ZNF766: variants seen among roughly 807,000 people sequenced by gnomAD.
The protein encoded by ZNF766 is zinc finger protein 766.
ZNF766 carries 13 observed loss-of-function variants against 13.2 expected under a neutral mutation model. The observed-to-expected ratio is 0.98, with a 90% confidence interval of 0.64 to 1.56. The LOEUF (loss-of-function observed/expected upper bound fraction) is 1.56. Ranked by LOEUF, ZNF766 falls within the 40% of genes most tolerant of loss-of-function variation. ZNF766 has a pLI of 0.00. For missense variants in ZNF766, 521 were observed against 552.2 expected, an observed-to-expected ratio of 0.94 and a Z score of 0.57; for synonymous variants, 178 against 187.6, an observed-to-expected ratio of 0.95 and a Z score of 0.42.
rs892308097 is a variant in ZNF766 at position 52,269,772 on chromosome 19, G to C, written c.18+141G>C. ...GAGTAAATTCATGCGTCCCGTCAGAGTGTTAAAATCGCCCTAGGGCTGGTT... is the reference window on the plus strand; with the variant it reads ...GAGTAAATTCATGCGTCCCGTCAGACTGTTAAAATCGCCCTAGGGCTGGTT... On this transcript the variant is annotated intron_variant, in intron 1 of 3. Transcript: ENST00000439461. The C allele has an allele frequency of 3.4e-6, 4 of 1,179,772 alleles. No homozygotes were observed. In the Admixed American group the frequency reaches 7.4e-5, roughly 22 times the overall value. The allele number at this position is 1,179,772 out of a possible 1,614,324, so 73.1% of individuals were successfully genotyped here.
intron 3 of ZNF766, among the ~76,000 whole-genome samples, chr19:52,287,003 CTT>C (rs910753113): frequency 6.6e-6 from 1 of 151,452 alleles, no homozygotes; most frequent in Non-Finnish European, 1.5e-5. Context: ...GCCCGGATAA[CTT>C]TTATATTTTA....
intron 1 of ZNF766, among the ~76,000 whole-genome samples, chr19:52,270,072 G>A (rs547977981): frequency 1.4e-4 from 21 of 152,216 alleles, no homozygotes; most frequent in Admixed American, 2.6e-4. Flanking sequence ...GTCCTCCTTG[G>A]GCCGTTCCCT....
In ZNF766 at chr19:52,273,625, G is replaced by T. The variant is rs184949554; in HGVS notation, c.18+3994G>T. On this transcript the variant is annotated intron_variant, in intron 1 of 3. Transcript: ENST00000439461. ...AACACCTTTTCTTCCCCAGGTCTTTGTTCTGATATTACCTTCTTCATGGAG... is the reference window on the plus strand; with the variant it reads ...AACACCTTTTCTTCCCCAGGTCTTTTTTCTGATATTACCTTCTTCATGGAG... Among the ~76,000 whole-genome samples the T allele has an allele frequency of 1.5e-3, 221 of 152,300 alleles. 3 individuals carry two copies. The highest frequency in any genetic ancestry group is 2.7e-3 in the Non-Finnish European group (182 of 68,018).
At chr19:52,275,295 A>G (rs1032135125) in intron 1 of ZNF766, among the ~76,000 whole-genome samples, 4 of 152,208 alleles carry the variant, frequency 2.6e-5, no homozygotes, top group African/African-American at 9.7e-5. Context: ...AATTAAAAAC[A>G]AGAAAAAGTT....
At chr19:52,279,975 T>A (rs1034051848) in intron 1 of ZNF766, among the ~76,000 whole-genome samples, 2 of 151,862 alleles carry the variant, frequency 1.3e-5, no homozygotes, top group African/African-American at 4.8e-5. Context: ...TTTGCATTTT[T>A]AGCAGAGACG....
chr19:52,276,378 A>G (rs1486707203), intron 1 of ZNF766, among the ~76,000 whole-genome samples: 1 of 152,104 alleles, frequency 6.6e-6, no homozygotes, highest in Admixed American at 6.6e-5. Context: ...TTATATTGGT[A>G]TATTGCTTCC....
chr19:52,288,723 A>G (rs1981957490), intron 3 of ZNF766, among the ~76,000 whole-genome samples: 1 of 150,526 alleles, frequency 6.6e-6, no homozygotes, highest in Non-Finnish European at 1.5e-5. Context: ...TGCATACATC[A>G]TTACAATATC....
intron 1 of ZNF766, among the ~76,000 whole-genome samples, chr19:52,279,338 G>T (rs1358941561): frequency 2.6e-5 from 4 of 152,086 alleles, no homozygotes; most frequent in Non-Finnish European, 4.4e-5. Flanking sequence ...TTTTGCTCAG[G>T]ATTGCCTTGG....
In ZNF766 at chr19:52,269,633, T is replaced by C. The variant is rs1980882546; in HGVS notation, c.18+2T>C. ...GGAGATATGGCGCAACTGCGGCGCGTGAGTTTTCCTTTGTTTAGATTAAGT... is the reference window on the plus strand; with the variant it reads ...GGAGATATGGCGCAACTGCGGCGCGCGAGTTTTCCTTTGTTTAGATTAAGT... On this transcript the variant is annotated splice_donor_variant, in intron 1 of 3. Transcript: ENST00000439461. LOFTEE classifies it high-confidence loss of function. The C allele has an allele frequency of 6.2e-7, 1 of 1,612,410 alleles. No individual in the cohort carries two copies. The highest frequency in any genetic ancestry group is 1.3e-5 in the African/African-American group (1 of 74,994).
Position 52,292,353 on chromosome 19 carries a change from T to C in ZNF766, c.*1155T>C, listed in dbSNP as rs1219587597. 3 of 602,080 alleles carry C rather than the reference T, an allele frequency of 5.0e-6. No individual in the cohort carries two copies. The Admixed American group carries it at 8.5e-5, about 17-fold the overall frequency. The allele number at this position is 602,080 out of a possible 1,614,324, so 37.3% of individuals were successfully genotyped here. A position where few individuals can be genotyped will look rare whatever the true frequency, so the allele number is the denominator to read the frequency against. ...ATGCTTATTGCAGTTAGCACACACT[T>C]TTCCTGACAGGCACAGTGCTGCTGT... On this transcript the variant is annotated 3_prime_UTR_variant, in exon 4 of 4. Transcript: ENST00000439461.
intron 3 of ZNF766, among the ~76,000 whole-genome samples, chr19:52,289,048 G>A (rs1262923922): frequency 6.7e-6 from 1 of 150,342 alleles, no homozygotes; most frequent in Admixed American, 6.6e-5. Flanking sequence ...AGTAGAGATA[G>A]GGTTTCACCA....
At chr19:52,283,869 C>A (rs1252876301) in intron 3 of ZNF766, among the ~76,000 whole-genome samples, 1 of 152,186 alleles carries the variant, frequency 6.6e-6, no homozygotes, top group Non-Finnish European at 1.5e-5. Flanking sequence ...TCCCAAGTAG[C>A]TGGGATTACA....
intron 3 of ZNF766, among the ~76,000 whole-genome samples, chr19:52,289,744 T>C (rs1451895514): frequency 1.3e-5 from 2 of 152,110 alleles, no homozygotes; most frequent in Non-Finnish European, 2.9e-5. Flanking sequence ...CTCACACCTA[T>C]AATCCCAGCA....
intron 3 of ZNF766, 93 bp from the exon 4 acceptor site, chr19:52,289,973 C>T (rs1269615877): frequency 7.4e-7 from 1 of 1,354,398 alleles, no homozygotes; most frequent in Non-Finnish European, 1.0e-6. Flanking sequence ...TGCACTCCAG[C>T]CTGGGTGGCA....
intron 1 of ZNF766, among the ~76,000 whole-genome samples, chr19:52,270,742 A>G (rs1021040613): frequency 6.6e-6 from 1 of 152,100 alleles, no homozygotes; most frequent in Non-Finnish European, 1.5e-5. Flanking sequence ...AAGATTGGAG[A>G]GAAAGAGCAA....
chr19:52,278,203 T>C (rs971217895), intron 1 of ZNF766, among the ~76,000 whole-genome samples: 5 of 152,082 alleles, frequency 3.3e-5, no homozygotes, highest in African/African-American at 9.7e-5. Context: ...CCCAAAGTGT[T>C]GGGATTACAG....
At position 52,291,228 on chromosome 19, in the gene ZNF766, A is replaced by G. The variant is rs779144726; in HGVS notation, c.*30A>G. ...GGCAAACTCTATCATAAGTTCTAGC[A>G]GTAATCAACATCCGAGAGTCTATAC... is the stretch of plus-strand genomic sequence containing the variant. On this transcript the variant is annotated 3_prime_UTR_variant, in exon 4 of 4. Coordinates refer to ENST00000439461, the MANE Select transcript of ZNF766 (RefSeq NM_001010851.3). 8 of 1,530,278 alleles carry G rather than the reference A, an allele frequency of 5.2e-6. No homozygotes were observed. In the South Asian group the frequency reaches 7.9e-5, roughly 15 times the overall value. The allele number at this position is 1,530,278 out of a possible 1,614,324, so 94.8% of individuals were successfully genotyped here.
chr19:52,293,742 C>T lies in ZNF766; in HGVS notation c.*2544C>T, dbSNP rs1212040168. On this transcript the variant is annotated 3_prime_UTR_variant, in exon 4 of 4. Transcript: ENST00000439461. ...CCAGGTTCAAGTGATTCTCCTGCCTCAGCCTCCCGAGTAGCTGGGATTACA... is the reference window on the plus strand; with the variant it reads ...CCAGGTTCAAGTGATTCTCCTGCCTTAGCCTCCCGAGTAGCTGGGATTACA... The T allele has an allele frequency of 1.3e-5, 2 of 152,418 alleles. No individual in the cohort carries two copies. Among genetic ancestry groups the T allele is most frequent in the African/African-American group, 2.4e-5 (1 of 41,530 alleles). 9.4% of individuals were successfully genotyped at this position (152,418 alleles called of 1,614,324 possible). A position where few individuals can be genotyped will look rare whatever the true frequency, so the allele number is the denominator to read the frequency against.
rs1437760121 is a variant in ZNF766 at position 52,292,813 on chromosome 19, TTTAAA to T, written c.*1620_*1624del. 1 of 152,228 alleles carries T rather than the reference TTTAAA, an allele frequency of 6.6e-6. No homozygotes were observed. The highest frequency in any genetic ancestry group is 6.5e-5 in the Admixed American group (1 of 15,280). 9.4% of individuals were successfully genotyped at this position (152,228 alleles called of 1,614,324 possible). A position where few individuals can be genotyped will look rare whatever the true frequency, so the allele number is the denominator to read the frequency against. ...ACAATAATAAGGCACCATTAGGATT[TTTAAA>T]TTAATTTATTTTTAAAATTAAAGTT... On this transcript the variant is annotated 3_prime_UTR_variant, in exon 4 of 4. Transcript: ENST00000439461.
Sources: allele counts gnomAD v4.1 joint callset (sites outside exome capture counted in the v4.1 genomes callset), GRCh38; gene constraint gnomAD v4.1.1; transcripts MANE v1.5; gene names NCBI Gene and HGNC (gene_info 2026-07-23, HGNC 2026-07-21).